Variants in ZDHHC3 observed in about 807,000 individuals in gnomAD.
ZDHHC3 encodes the protein zDHHC palmitoyltransferase 3, also known as palmitoyltransferase ZDHHC3.
Under a neutral mutation model 30.6 loss-of-function variants are expected in ZDHHC3, and 9 were observed. That is an observed-to-expected ratio of 0.29 (90% CI 0.18 to 0.51). ZDHHC3 has a LOEUF of 0.51. Ranked by LOEUF, ZDHHC3 falls within the 20% of genes least tolerant of loss-of-function variation. The pLI is 0.97. For missense variants in ZDHHC3, 246 were observed against 384.2 expected, an observed-to-expected ratio of 0.64 and a Z score of 3.01; for synonymous variants, 136 against 140.2, an observed-to-expected ratio of 0.97 and a Z score of 0.21.
chr3:44,920,412 A>T lies in ZDHHC3; in HGVS notation c.*6277T>A. On this transcript the variant is annotated 3_prime_UTR_variant, in exon 7 of 7. Transcript: ENST00000424952. ...CATATGGCAGACCCGGCTACAGAGG[A>T]AACACCCAAAAATGACAGACTGGCT... 7.9e-7 allele frequency: 1 copy of T among 1,271,990 alleles called. No homozygotes were observed. The highest frequency in any genetic ancestry group is 1.3e-5 in the South Asian group (1 of 79,778). 78.8% of individuals were successfully genotyped at this position (1,271,990 alleles called of 1,614,324 possible). A position where few individuals can be genotyped will look rare whatever the true frequency, so the allele number is the denominator to read the frequency against.
At chr3:44,961,811 T>G (rs1704504855) in intron 1 of ZDHHC3, among the ~76,000 whole-genome samples, 1 of 152,242 alleles carries the variant, frequency 6.6e-6, no homozygotes, top group Non-Finnish European at 1.5e-5. Flanking sequence ...AATTACTATT[T>G]AAGCTCAAAA....
At chr3:44,971,558 C>T (rs1027938420) in intron 1 of ZDHHC3, among the ~76,000 whole-genome samples, 1 of 152,180 alleles carries the variant, frequency 6.6e-6, no homozygotes, top group African/African-American at 2.4e-5. Flanking sequence ...AGACATCACC[C>T]CTCCACTTCT....
In ZDHHC3 at chr3:44,919,967, A is replaced by G. The variant is rs924349231; in HGVS notation, c.*6722T>C. 9.1e-6 allele frequency: 10 copies of G among 1,103,468 alleles called. No individual in the cohort carries two copies. The highest frequency in any genetic ancestry group is 3.2e-5 in the African/African-American group (2 of 61,750). The allele number at this position is 1,103,468 out of a possible 1,614,324, so 68.4% of individuals were successfully genotyped here. On this transcript the variant is annotated 3_prime_UTR_variant, in exon 7 of 7. Transcript: ENST00000424952. ...TAATGATGGTTAAGCAAATGATTCT[A>G]TAACACTATGCAGCTAGAAAAGATG... is the stretch of plus-strand genomic sequence containing the variant.
intron 2 of ZDHHC3, among the ~76,000 whole-genome samples, chr3:44,950,844 A>C (rs936925474): frequency 1.2e-4 from 18 of 152,174 alleles, no homozygotes; most frequent in Non-Finnish European, 2.9e-5. Flanking sequence ...AAGGCCTGAG[A>C]CATTTTTGTC....
intron 2 of ZDHHC3, among the ~76,000 whole-genome samples, chr3:44,954,589 T>C (rs1703764002): frequency 2.0e-5 from 3 of 152,242 alleles, no homozygotes; most frequent in African/African-American, 7.2e-5. Flanking sequence ...GACACATGAC[T>C]GTATATTCCT....
At chr3:44,963,536 T>C (rs1704663031) in intron 1 of ZDHHC3, among the ~76,000 whole-genome samples, 1 of 149,332 alleles carries the variant, frequency 6.7e-6, no homozygotes, top group Admixed American at 6.7e-5. Flanking sequence ...AAACTGTATA[T>C]GTTCCCTTTA....
At chr3:44,962,288 A>C (rs1454076741) in intron 1 of ZDHHC3, among the ~76,000 whole-genome samples, 1 of 152,222 alleles carries the variant, frequency 6.6e-6, no homozygotes, top group Non-Finnish European at 1.5e-5. Flanking sequence ...GCATTCATAC[A>C]ATCAAGAATG....
Position 44,940,520 on chromosome 3 carries a change from G to A in ZDHHC3, c.431+4648C>T, listed in dbSNP as rs147720269. 3.3e-3 allele frequency among the ~76,000 whole-genome samples: 499 copies of A among 152,262 alleles called. 1 individual carries two copies. Among genetic ancestry groups the A allele is most frequent in the Non-Finnish European group, 3.5e-3 (240 of 68,032 alleles). ...AATTCCAGAGTCTCGTGGATGAGACGCTGTAAGCTGGTGAGCTCCATGGCA... is the reference window on the plus strand; with the variant it reads ...AATTCCAGAGTCTCGTGGATGAGACACTGTAAGCTGGTGAGCTCCATGGCA... On this transcript the variant is annotated intron_variant, in intron 3 of 6. Transcript: ENST00000424952.
chr3:44,933,942 G>A lies in ZDHHC3; in HGVS notation c.474C>T (p.Pro158=), dbSNP rs1701717403. 1 of 1,614,052 alleles carries A rather than the reference G, an allele frequency of 6.2e-7. No homozygotes were observed. Among genetic ancestry groups the A allele is most frequent in the Non-Finnish European group, 8.5e-7 (1 of 1,180,040 alleles). Residue 158 remains proline (P), a synonymous_variant, in exon 4 of 7, where the codon CCC becomes CCT. Coordinates refer to ENST00000424952, the MANE Select transcript of ZDHHC3 (RefSeq NM_001135179.2). ...TCTCGCCTACACAGTTGTTGACCCA[G>A]GGACAGTGGTGGTCCATCTTCCGAA... ...RCIRKMDHHC[P]WVNNCVGENN...
chr3:44,922,047 G>A lies in ZDHHC3; in HGVS notation c.*4642C>T, dbSNP rs142742128. ...TACGGCAATCACACTGCTCAAGTCAGCAAGATGTTTACTTGAGGGAGAGGG... is the reference window on the plus strand; with the variant it reads ...TACGGCAATCACACTGCTCAAGTCAACAAGATGTTTACTTGAGGGAGAGGG... On this transcript the variant is annotated 3_prime_UTR_variant, in exon 7 of 7. Coordinates refer to ENST00000424952, the MANE Select transcript of ZDHHC3 (RefSeq NM_001135179.2). 1.0e-6 allele frequency: 1 copy of A among 985,470 alleles called. No homozygotes were observed. Among genetic ancestry groups the A allele is most frequent in the East Asian group, 1.1e-4 (1 of 8,820 alleles). 61.0% of individuals were successfully genotyped at this position (985,470 alleles called of 1,614,324 possible).
At chr3:44,948,596 T>C (rs993163993) in intron 2 of ZDHHC3, among the ~76,000 whole-genome samples, 1 of 152,122 alleles carries the variant, frequency 6.6e-6, no homozygotes, top group Non-Finnish European at 1.5e-5. Flanking sequence ...GCAGAGCACC[T>C]AGAGAAAGGC....
Position 44,926,193 on chromosome 3 carries a change from C to T in ZDHHC3, c.*496G>A. ...AGGTCCCTTCTGATCCTGCCCTTCT[C>T]AGGCCTCAAGGGGTAAGCATCCATC... On this transcript the variant is annotated 3_prime_UTR_variant, in exon 7 of 7. Transcript: ENST00000424952. 1.0e-6 allele frequency: 1 copy of T among 985,832 alleles called. No individual in the cohort carries two copies. Among genetic ancestry groups the T allele is most frequent in the Non-Finnish European group, 1.2e-6 (1 of 830,166 alleles). The allele number at this position is 985,832 out of a possible 1,614,324, so 61.1% of individuals were successfully genotyped here. A position where few individuals can be genotyped will look rare whatever the true frequency, so the allele number is the denominator to read the frequency against.
chr3:44,923,705 AG>A lies in ZDHHC3; in HGVS notation c.*2983del. 1 of 809,532 alleles carries A rather than the reference AG, an allele frequency of 1.2e-6. No individual in the cohort carries two copies. Among genetic ancestry groups the A allele is most frequent in the Non-Finnish European group, 1.5e-6 (1 of 669,692 alleles). 50.1% of individuals were successfully genotyped at this position (809,532 alleles called of 1,614,324 possible). ...GTAGCCCTGGATATTCAGGAGGCCA[AG>A]GCACAAGAATCACTTGAGCCCAGGA... On this transcript the variant is annotated 3_prime_UTR_variant, in exon 7 of 7. Transcript: ENST00000424952.
At chr3:44,975,681 G>C (rs1705875169) in intron 1 of ZDHHC3, among the ~76,000 whole-genome samples, 1 of 151,794 alleles carries the variant, frequency 6.6e-6, no homozygotes, top group Non-Finnish European at 1.5e-5. Context: ...TAGAGAAATG[G>C]AGGGGAGAAG....
chr3:44,959,245 A>G lies in ZDHHC3; in HGVS notation c.192T>C (p.Phe64=), dbSNP rs1435622014. ...LVLYAEFVVL[F]VMLIPSRDYV... ...AGTCTCGAGATGGAATCAGCATGACAAAGAGGACCACGAACTCCGCATAGA... is the reference window on the plus strand; with the variant it reads ...AGTCTCGAGATGGAATCAGCATGACGAAGAGGACCACGAACTCCGCATAGA... Residue 64 remains phenylalanine, a synonymous_variant, in exon 2 of 7, where the codon TTT becomes TTC. Coordinates refer to ENST00000424952, the MANE Select transcript of ZDHHC3 (RefSeq NM_001135179.2). The surrounding 1 kb of genome is among the most constrained non-coding windows in gnomAD (Gnocchi z 4.3). 6.2e-7 allele frequency: 1 copy of G among 1,614,248 alleles called. No homozygotes were observed. The highest frequency in any genetic ancestry group is 1.7e-5 in the Admixed American group (1 of 60,030).
intron 1 of ZDHHC3, among the ~76,000 whole-genome samples, chr3:44,972,841 C>A (rs1026292906): frequency 2.0e-5 from 3 of 152,150 alleles, no homozygotes; most frequent in Admixed American, 6.5e-5. Flanking sequence ...ACACCAGGGA[C>A]TCACAGGCAT....
intron 1 of ZDHHC3, among the ~76,000 whole-genome samples, chr3:44,965,261 A>C (rs549550573): frequency 6.6e-6 from 1 of 152,174 alleles, no homozygotes; most frequent in African/African-American, 2.4e-5. Context: ...CACGTGCTTC[A>C]TTATACCTTA....
Position 44,920,749 on chromosome 3 carries a change from T to G in ZDHHC3, c.*5940A>C. The G allele has an allele frequency of 1.0e-6, 1 of 985,398 alleles. No homozygotes were observed. The highest frequency in any genetic ancestry group is 1.2e-6 in the Non-Finnish European group (1 of 829,930). The allele number at this position is 985,398 out of a possible 1,614,324, so 61.0% of individuals were successfully genotyped here. On this transcript the variant is annotated 3_prime_UTR_variant, in exon 7 of 7. Coordinates refer to ENST00000424952, the MANE Select transcript of ZDHHC3 (RefSeq NM_001135179.2). ...ATTATTTGCCATTCATGTGGCATGCTCCCAGATAGGCACTCTTGGATTATA... is the reference window on the plus strand; with the variant it reads ...ATTATTTGCCATTCATGTGGCATGCGCCCAGATAGGCACTCTTGGATTATA...
intron 2 of ZDHHC3, among the ~76,000 whole-genome samples, chr3:44,956,960 A>G (rs1364627316): frequency 1.3e-5 from 2 of 151,852 alleles, no homozygotes; most frequent in Middle Eastern, 3.2e-3. Flanking sequence ...CCCACCTACC[A>G]TGTTTTGATC....
Sources: gnomAD v4.1 joint callset for allele counts (sites outside exome capture counted in the v4.1 genomes callset) on GRCh38, gnomAD v4.1.1 for gene constraint, Gnocchi (gnomAD v3.1) non-coding constraint, MANE v1.5 for transcripts, NCBI Gene and HGNC (gene_info 2026-07-23, HGNC 2026-07-21) for gene names.